MYL5: variants seen among roughly 807,000 people sequenced by gnomAD.
MYL5 encodes the protein myosin light chain 5.
MYL5 carries 28 observed loss-of-function variants against 20.8 expected under a neutral mutation model. The ratio of observed to expected loss-of-function variants is 1.35; its 90% CI spans 1.00 to 1.84. MYL5 has a LOEUF of 1.84. MYL5 is among the 40% of genes most tolerant of loss of function. The probability of loss-of-function intolerance (pLI) is 0.00; values close to 1 mark genes in which losing one functional copy is unlikely to be tolerated. For synonymous variants in MYL5, 118 were observed against 87.4 expected (o/e 1.35, Z -1.95); for missense variants, 274 against 227.3 (o/e 1.21, Z -1.32).
intron 6 of MYL5, among the ~76,000 whole-genome samples, 187 bp downstream of exon 8, chr4:681,327 C>A (rs1206817016): frequency 2.0e-5 from 3 of 152,082 alleles, no homozygotes; most frequent in Non-Finnish European, 2.9e-5. Flanking sequence ...ATCAGGTCAG[C>A]GGTTGGAGAC....
upstream of MYL5, chr4:676,189 C>A (rs760471743): frequency 1.3e-5 from 2 of 152,252 alleles, no homozygotes; most frequent in Non-Finnish European, 2.9e-5. Context: ...CCCCCGCTTC[C>A]GCCAGGGCAG....
chr4:679,937 G>A lies in MYL5; in HGVS notation c.211G>A (p.Glu71Lys), dbSNP rs751215923. The A allele has an allele frequency of 2.4e-5, 39 of 1,613,680 alleles. No individual in the cohort carries two copies. Among genetic ancestry groups the A allele is most frequent in the South Asian group, 1.5e-4 (14 of 91,082 alleles). ...AGGCAAGACCAACGTCAAGGACGAC[G>A]AGCTGGACGCCATGCTCAAAGAGGC... The change falls in exon 4 of 7, where the codon GAG becomes AAG. Residue 71 changes from glutamate (E) to lysine (K), a missense_variant. Transcript: ENST00000400159.
intron 4 of MYL5, 131 bp from the exon 7 acceptor site, chr4:680,378 A>G: frequency 1.0e-6 from 1 of 975,862 alleles, no homozygotes; most frequent in Non-Finnish European, 1.6e-6. Flanking sequence ...CTTCAGGCAG[A>G]GGCCACCTTG....
intron 1 of MYL5, chr4:678,287 G>A: frequency 6.9e-7 from 1 of 1,439,204 alleles, no homozygotes; most frequent in South Asian, 1.4e-5. Context: ...AGCAGGATGA[G>A]GGGGTTCCTG....
chr4:681,781 C>A (rs979605542), intron 6 of MYL5, 112 bp from the exon 9 acceptor site: 1 of 1,227,288 alleles, frequency 8.1e-7, no homozygotes, highest in Non-Finnish European at 1.0e-6. Flanking sequence ...GCACCCGGGC[C>A]CCTCCCCGCT....
chr4:678,784 A>G lies in MYL5; in HGVS notation c.111+19A>G, dbSNP rs1739121496. 2 of 1,607,938 alleles carry G rather than the reference A, an allele frequency of 1.2e-6. No homozygotes were observed. Among genetic ancestry groups the G allele is most frequent in the Middle Eastern group, 1.7e-4 (1 of 6,060 alleles). The stretch of plus-strand genomic sequence containing the variant: ...CAAGGAGGTGAGACTTTCCTGCTTC[A>G]CTGGGAGCCCCCACCCCCAGGAGCC... On this transcript the variant is annotated intron_variant, in intron 2 of 6. Coordinates refer to ENST00000400159, the Ensembl canonical transcript of MYL5.
exon 5 of MYL5, chr4:680,570 G>T (rs971109643): frequency 1.2e-6 from 2 of 1,613,410 alleles, no homozygotes; most frequent in South Asian, 2.2e-5. Context: ...ACGGGAAAGG[G>T]AAAATCAACA....
upstream of MYL5, chr4:677,826 G>A: frequency 1.2e-6 from 1 of 803,036 alleles, no homozygotes; most frequent in Non-Finnish European, 2.1e-6. Context: ...GCCTTGCGGG[G>A]TGAGGCAGGG....
chr4:679,939 G>T, exon 4 of MYL5: 2 of 1,613,798 alleles, frequency 1.2e-6, no homozygotes, highest in Non-Finnish European at 1.7e-6. Context: ...AGGACGACGA[G>T]CTGGACGCCA....
At chr4:678,202 G>A in intron 1 of MYL5, 173 bp downstream of exon 3, 1 of 1,518,152 alleles carries the variant, frequency 6.6e-7, no homozygotes, top group Non-Finnish European at 8.9e-7. Flanking sequence ...GTGCGTGTGT[G>A]TGACCTTGCG....
At chr4:680,532 C>G (rs1249624834) in exon 5 of MYL5, 2 of 1,613,542 alleles carry the variant, frequency 1.2e-6, no homozygotes, top group South Asian at 1.1e-5. Flanking sequence ...GGAGACCATT[C>G]TTAACGCCTT....
At position 678,391 on chromosome 4, in the gene MYL5, G is replaced by A. The variant is rs545728379; in HGVS notation, c.4-267G>A. ...GCCAAGCTGGCTCCTGCTGGACGGC[G>A]ATCCCTGACCACTGTGCTCTGTGGG... On this transcript the variant is annotated intron_variant, in intron 1 of 6. Coordinates refer to ENST00000400159, the Ensembl canonical transcript of MYL5. The A allele has an allele frequency of 9.8e-5, 138 of 1,415,012 alleles. 2 individuals carry two copies. The East Asian group carries it at 1.2e-3, about 12-fold the overall frequency. The allele number at this position is 1,415,012 out of a possible 1,614,324, so 87.7% of individuals were successfully genotyped here.
At chr4:677,709 G>A (rs1162790431), upstream of MYL5, among the ~76,000 whole-genome samples, 1 of 152,210 alleles carries the variant, frequency 6.6e-6, no homozygotes, top group Admixed American at 6.5e-5. Flanking sequence ...GCGTGTACAG[G>A]TGGCCCTGCT....
exon 3 of MYL5, chr4:678,995 T>C (rs1159994059): frequency 2.5e-6 from 4 of 1,613,780 alleles, no homozygotes; most frequent in African/African-American, 1.3e-5. Flanking sequence ...GATGGCTTCA[T>C]TGACAAGGAG....
At chr4:678,971 T>C (rs781220742) in exon 3 of MYL5, 2 of 1,613,674 alleles carry the variant, frequency 1.2e-6, no homozygotes, top group African/African-American at 1.3e-5. Context: ...TTCACACTCA[T>C]GGATCAGAAC....
upstream of MYL5, chr4:674,598 C>G (rs573223122): frequency 8.0e-6 from 3 of 374,562 alleles, no homozygotes; most frequent in East Asian, 1.3e-4. Flanking sequence ...GAGGCCCCGC[C>G]GTCCGCGTCC....
upstream of MYL5, among the ~76,000 whole-genome samples, chr4:677,443 A>G (rs1198129209): frequency 6.6e-6 from 1 of 152,180 alleles, no homozygotes; most frequent in East Asian, 1.9e-4. Context: ...CCTCCAACCC[A>G]GAAATGTCAT....
At chr4:680,882 T>G (rs111954963) in intron 5 of MYL5, 6 of 655,866 alleles carry the variant, frequency 9.1e-6, no homozygotes, top group African/African-American at 5.5e-5. Flanking sequence ...TGTAACCTCC[T>G]TCCGGCTCTG....
At chr4:678,110 C>A in intron 1 of MYL5, 81 bp downstream of exon 3, 1 of 1,564,282 alleles carries the variant, frequency 6.4e-7, no homozygotes, top group Non-Finnish European at 8.7e-7. Context: ...CACAGACGAG[C>A]GTGGGCGTGT....
Sources: gnomAD v4.1 joint callset for allele counts (sites outside exome capture counted in the v4.1 genomes callset) on GRCh38, gnomAD v4.1.1 for gene constraint, MANE v1.5 for transcripts, NCBI Gene and HGNC (gene_info 2026-07-23, HGNC 2026-07-21) for gene names.